KLRF1: variants seen among roughly 807,000 people sequenced by gnomAD.
KLRF1 encodes killer cell lectin like receptor F1.
A neutral mutation model predicts 30.7 loss-of-function variants in KLRF1; 27 were observed. The ratio of observed to expected loss-of-function variants is 0.88; its 90% CI spans 0.65 to 1.21. The LOEUF is 1.21. Among genes scored for constraint, KLRF1 ranks in the 50% most tolerant of loss-of-function variants. The pLI, the probability that KLRF1 is intolerant of heterozygous loss-of-function variation, is 0.00. For missense variants in KLRF1, 246 were observed against 259.3 expected, an observed-to-expected ratio of 0.95 and a Z score of 0.35; for synonymous variants, 92 against 89.3, an observed-to-expected ratio of 1.03 and a Z score of -0.17.
At chr12:9,813,656 T>G in the KLRF1 span, among the ~76,000 whole-genome samples, 1 of 151,756 alleles carries the variant, frequency 6.6e-6, no homozygotes, top group African/African-American at 2.4e-5. Context: ...AGACTTGGAA[T>G]ACAGCATCTA....
chr12:9,835,124 T>C (rs1176417949), intron 3 of KLRF1, among the ~76,000 whole-genome samples: 2 of 152,018 alleles, frequency 1.3e-5, no homozygotes, highest in African/African-American at 4.8e-5. Context: ...CGTGTTGGTG[T>C]CATGAGGGGA....
chr12:9,832,465 T>A, intron 2 of KLRF1, 51 bp downstream of exon 2: 1 of 1,023,690 alleles, frequency 9.8e-7, no homozygotes, highest in Non-Finnish European at 1.5e-6. Flanking sequence ...TGTTTACTTG[T>A]CTCTTATAAA....
intron 3 of KLRF1, among the ~76,000 whole-genome samples, chr12:9,841,277 C>T (rs1195972393): frequency 6.6e-6 from 1 of 151,710 alleles, no homozygotes; most frequent in Non-Finnish European, 1.5e-5. Context: ...CACATGGACA[C>T]ATAGAGGGAA....
At chr12:9,821,578 G>A in the KLRF1 span, among the ~76,000 whole-genome samples, 4 of 152,008 alleles carry the variant, frequency 2.6e-5, no homozygotes, top group African/African-American at 9.7e-5. Context: ...CCTCTCTGGG[G>A]TAGAGCCCCT....
At chr12:9,836,167 A>G (rs1174778500) in intron 3 of KLRF1, among the ~76,000 whole-genome samples, 1 of 152,014 alleles carries the variant, frequency 6.6e-6, no homozygotes, top group Non-Finnish European at 1.5e-5. Context: ...AGAGGGTGAC[A>G]TAAGAATGGG....
At chr12:9,820,200 G>A in the KLRF1 span, among the ~76,000 whole-genome samples, 2 of 152,224 alleles carry the variant, frequency 1.3e-5, no homozygotes, top group African/African-American at 4.8e-5. Context: ...GCTCCCAGTG[G>A]GAGAGGCAGG....
At chr12:9,820,988 G>T in the KLRF1 span, among the ~76,000 whole-genome samples, 1 of 152,118 alleles carries the variant, frequency 6.6e-6, no homozygotes, top group Non-Finnish European at 1.5e-5. Context: ...ATACCCACTG[G>T]TAGTGGCTCA....
chr12:9,831,419 C>T (rs1204737747), intron 1 of KLRF1, among the ~76,000 whole-genome samples: 3 of 152,032 alleles, frequency 2.0e-5, no homozygotes, highest in Non-Finnish European at 2.9e-5. Context: ...TCTATTTTCT[C>T]AGGTTTAAAG....
the KLRF1 span, among the ~76,000 whole-genome samples, chr12:9,811,339 G>C: frequency 7.6e-5 from 2 of 26,210 alleles, no homozygotes; most frequent in Non-Finnish European, 1.9e-4. Flanking sequence ...AAAAAAAAGA[G>C]AGAAAACATT....
chr12:9,835,353 G>A (rs991296776), intron 3 of KLRF1, among the ~76,000 whole-genome samples: 28 of 152,138 alleles, frequency 1.8e-4, no homozygotes, highest in African/African-American at 4.6e-4. Flanking sequence ...CAGCTAGGGC[G>A]GCAGCCACCA....
intron 3 of KLRF1, among the ~76,000 whole-genome samples, chr12:9,834,640 C>T (rs915832795): frequency 6.6e-6 from 1 of 151,944 alleles, no homozygotes. Context: ...ACGGCAGATA[C>T]AAGGTCCGAA....
At chr12:9,819,500 A>G in the KLRF1 span, among the ~76,000 whole-genome samples, 3 of 152,258 alleles carry the variant, frequency 2.0e-5, no homozygotes, top group East Asian at 5.8e-4. Flanking sequence ...AGAAGCCCCC[A>G]AAATAGCACA....
At chr12:9,816,935 G>A in the KLRF1 span, among the ~76,000 whole-genome samples, 13 of 151,524 alleles carry the variant, frequency 8.6e-5, no homozygotes, top group East Asian at 5.8e-4. Context: ...GGGTTTCACC[G>A]TGTTAGCCAG....
At chr12:9,803,014 G>C in the KLRF1 span, among the ~76,000 whole-genome samples, 2 of 152,012 alleles carry the variant, frequency 1.3e-5, no homozygotes, top group African/African-American at 4.8e-5. Context: ...ACAATTCTAA[G>C]CAAAAAGAAC....
At chr12:9,836,070 C>T (rs1867569059) in intron 3 of KLRF1, among the ~76,000 whole-genome samples, 1 of 151,922 alleles carries the variant, frequency 6.6e-6, no homozygotes, top group Non-Finnish European at 1.5e-5. Context: ...AATGCAAAGC[C>T]AGCAGTTGTT....
At position 9,833,339 on chromosome 12, in the gene KLRF1, G is replaced by A. The variant is rs372558757; in HGVS notation, c.221G>A (p.Ser74Asn). 21 of 1,604,930 alleles carry A rather than the reference G, an allele frequency of 1.3e-5. No homozygotes were observed. Among genetic ancestry groups the A allele is most frequent in the Non-Finnish European group, 1.7e-5 (20 of 1,176,522 alleles). Residue 74 changes from serine to asparagine, a missense_variant, in exon 3 of 6, where the codon AGT becomes AAT. Coordinates refer to ENST00000617889, the MANE Select transcript of KLRF1 (RefSeq NM_016523.3). ...QGVLLKCQKG[S>N]CSNATQYEDT... ...GTATTGCTAAAATGCCAAAAAGGAA[G>A]TTGTTCAAATGCCACTCAGTATGAG...
chr12:9,837,956 T>C (rs758160613), intron 3 of KLRF1, among the ~76,000 whole-genome samples: 12 of 152,180 alleles, frequency 7.9e-5, no homozygotes, highest in East Asian at 3.8e-4. Context: ...AGGCCCCTGC[T>C]TCAGGGTGAG....
At chr12:9,818,844 G>GAAGCA in the KLRF1 span, among the ~76,000 whole-genome samples, 1 of 152,208 alleles carries the variant, frequency 6.6e-6, no homozygotes, top group Non-Finnish European at 1.5e-5. Context: ...GAAGCAGCTA[G>GAAGCA]TGTGTGCTGT....
the KLRF1 span, among the ~76,000 whole-genome samples, chr12:9,809,245 A>C: frequency 6.6e-6 from 1 of 152,188 alleles, no homozygotes; most frequent in Admixed American, 6.5e-5. Context: ...GCTCAAAATA[A>C]GATTGTGTGA....
Sources: gnomAD v4.1 joint callset for allele counts (sites outside exome capture counted in the v4.1 genomes callset) on GRCh38, gnomAD v4.1.1 for gene constraint, MANE v1.5 for transcripts, NCBI Gene and HGNC (gene_info 2026-07-23, HGNC 2026-07-21) for gene names.